DLC1: variants seen among roughly 807,000 people sequenced by gnomAD.
DLC1 encodes the protein DLC1 Rho GTPase activating protein, also known as rho GTPase-activating protein 7.
In DLC1, 54 loss-of-function variants were observed where a neutral mutation model predicts 140.3. That is an observed-to-expected ratio of 0.38 (90% CI 0.31 to 0.48). DLC1 has a LOEUF of 0.48. DLC1 is among the 20% of genes least tolerant of loss of function. The pLI, the probability that DLC1 is intolerant of heterozygous loss-of-function variation, is 0.96. For missense variants in DLC1, 2,536 were observed against 1,907.0 expected, an observed-to-expected ratio of 1.33 and a Z score of -6.14; for synonymous variants, 986 against 728.1, an observed-to-expected ratio of 1.35 and a Z score of -5.70.
chr8:13,447,662 T>G (rs1798841711), intron 2 of DLC1, among the ~76,000 whole-genome samples: 2 of 152,204 alleles, frequency 1.3e-5, no homozygotes, highest in African/African-American at 4.8e-5. Context: ...TTTGTCAGCT[T>G]GGGTTTACAA....
At chr8:13,417,367 A>T (rs1425284103) in intron 2 of DLC1, among the ~76,000 whole-genome samples, 1 of 30,188 alleles carries the variant, frequency 3.3e-5, no homozygotes, top group Non-Finnish European at 7.7e-5. Context: ...ACCTCCCCCC[A>T]CCCAACAACA....
intron 3 of DLC1, among the ~76,000 whole-genome samples, chr8:13,399,217 C>A (rs185977): frequency 0.86 from 130,830 of 152,192 alleles, 56,322 homozygotes; most frequent in East Asian, 0.98. Context: ...TTAGGAAGAA[C>A]ATGCTCTGAC....
At chr8:13,533,527 C>T (rs1454720749) in intron 1 of DLC1, among the ~76,000 whole-genome samples, 1 of 152,072 alleles carries the variant, frequency 6.6e-6, no homozygotes, top group Non-Finnish European at 1.5e-5. Flanking sequence ...TTTGAAATCT[C>T]CATAATCATG....
chr8:13,161,367 T>A (rs890866195), intron 5 of DLC1, among the ~76,000 whole-genome samples: 5 of 152,132 alleles, frequency 3.3e-5, no homozygotes, highest in Non-Finnish European at 7.3e-5. Context: ...AGACAGAATT[T>A]CACTCTGTTG....
chr8:13,189,095 C>A (rs1056861729), intron 5 of DLC1, among the ~76,000 whole-genome samples: 1 of 151,698 alleles, frequency 6.6e-6, no homozygotes, highest in Non-Finnish European at 1.5e-5. Flanking sequence ...AAAGTTACTT[C>A]AGTGGCATTA....
intron 2 of DLC1, among the ~76,000 whole-genome samples, chr8:13,442,656 TACCATCTCAC>T (rs1382722252): frequency 1.3e-5 from 2 of 152,152 alleles, no homozygotes; most frequent in African/African-American, 4.8e-5. Flanking sequence ...CACAATGAGA[TACCATCTCAC>T]ACCAGTTAAA....
intron 5 of DLC1, among the ~76,000 whole-genome samples, chr8:13,220,720 T>A (rs1373091934): frequency 1.3e-5 from 2 of 152,202 alleles, no homozygotes; most frequent in Non-Finnish European, 2.9e-5. Flanking sequence ...TTTTTCTATA[T>A]CCAAAGTAAA....
intron 4 of DLC1, among the ~76,000 whole-genome samples, chr8:13,343,606 C>T (rs1362680524): frequency 6.6e-6 from 1 of 152,048 alleles, no homozygotes; most frequent in Non-Finnish European, 1.5e-5. Flanking sequence ...CCATTTTGTC[C>T]ATAAGAAAAA....
chr8:13,522,524 C>G (rs958732949), intron 1 of DLC1, among the ~76,000 whole-genome samples: 1 of 151,954 alleles, frequency 6.6e-6, no homozygotes, highest in East Asian at 1.9e-4. Context: ...ACTCGGGTGG[C>G]TGAGGCAGGA....
intron 1 of DLC1, among the ~76,000 whole-genome samples, chr8:13,553,738 C>G (rs767255889): frequency 6.6e-6 from 1 of 152,080 alleles, no homozygotes; most frequent in Non-Finnish European, 1.5e-5. Context: ...TTCTGATTCT[C>G]TTTAGAACAA....
chr8:13,195,835 A>G (rs143570578), intron 5 of DLC1, among the ~76,000 whole-genome samples: 1,737 of 152,160 alleles, frequency 0.011, 44 homozygotes, highest in African/African-American at 0.039. Flanking sequence ...CTTCTCTTGG[A>G]TTTTCGGAAT....
intron 5 of DLC1, among the ~76,000 whole-genome samples, chr8:13,181,950 C>T (rs567855124): frequency 6.6e-6 from 1 of 152,220 alleles, no homozygotes; most frequent in African/African-American, 2.4e-5. Flanking sequence ...TATACTCCCA[C>T]CAACAGTGTA....
chr8:13,544,605 G>A (rs1803594979), intron 1 of DLC1, among the ~76,000 whole-genome samples: 1 of 152,154 alleles, frequency 6.6e-6, no homozygotes. Flanking sequence ...TGTTGTGCAT[G>A]ATTCATGCTC....
chr8:13,461,757 A>T (rs1799670708), intron 2 of DLC1, among the ~76,000 whole-genome samples: 1 of 152,126 alleles, frequency 6.6e-6, no homozygotes. Flanking sequence ...CCCACCCAGG[A>T]TCTCACAGCT....
chr8:13,217,617 G>A (rs369525913), intron 5 of DLC1, among the ~76,000 whole-genome samples: 2 of 152,028 alleles, frequency 1.3e-5, no homozygotes, highest in East Asian at 3.9e-4. Context: ...GGCGGATTAT[G>A]AGGTCAGGAG....
intron 5 of DLC1, among the ~76,000 whole-genome samples, chr8:13,137,844 C>T (rs147999004): frequency 2.0e-5 from 3 of 151,790 alleles, no homozygotes; most frequent in Non-Finnish European, 2.9e-5. Context: ...CTGATCTGCC[C>T]GCCTCAGCCT....
intron 2 of DLC1, among the ~76,000 whole-genome samples, chr8:13,445,538 A>G (rs369135750): frequency 1.2e-4 from 18 of 152,218 alleles, no homozygotes; most frequent in East Asian, 7.7e-4. Flanking sequence ...ACCACCAATG[A>G]TTAAAGCTGT....
chr8:13,389,352 A>G, intron 4 of DLC1, among the ~76,000 whole-genome samples: 1 of 152,142 alleles, frequency 6.6e-6, no homozygotes, highest in East Asian at 1.9e-4. Context: ...ATATCAGTGT[A>G]CTGTTGCACA....
chr8:13,481,788 A>C (rs750616526), intron 2 of DLC1, among the ~76,000 whole-genome samples: 11 of 152,204 alleles, frequency 7.2e-5, no homozygotes, highest in Non-Finnish European at 1.6e-4. Context: ...AGATGTAACT[A>C]GTCATGTTGT....
Sources: gnomAD v4.1 joint callset for allele counts (sites outside exome capture counted in the v4.1 genomes callset) on GRCh38, gnomAD v4.1.1 for gene constraint, MANE v1.5 for transcripts, NCBI Gene and HGNC (gene_info 2026-07-23, HGNC 2026-07-21) for gene names.